Variants in SEZ6 observed in about 807,000 individuals in gnomAD.
SEZ6 encodes seizure related 6 homolog, also known as seizure protein 6 homolog.
In SEZ6, 53 loss-of-function variants were observed where a neutral mutation model predicts 101.0. That is an observed-to-expected ratio of 0.52 (90% CI 0.42 to 0.66). SEZ6 has a LOEUF of 0.66. Among genes scored for constraint, SEZ6 ranks in the 30% least tolerant of loss-of-function variants. The pLI is 0.00. For synonymous variants in SEZ6, 488 were observed against 512.2 expected (o/e 0.95, Z 0.64); for missense variants, 1,102 against 1,289.4 (o/e 0.85, Z 2.23).
intron 1 of SEZ6, among the ~76,000 whole-genome samples, chr17:28,998,618 G>A (rs1306956821): frequency 6.6e-6 from 1 of 152,142 alleles, no homozygotes; most frequent in Non-Finnish European, 1.5e-5. Flanking sequence ...TGGTGACTGG[G>A]AAGAAACCAG....
Position 29,005,917 on chromosome 17 carries a change from G to A in SEZ6, c.-48C>T. 7.2e-7 allele frequency: 1 copy of A among 1,391,734 alleles called. No individual in the cohort carries two copies. The highest frequency in any genetic ancestry group is 9.4e-7 in the Non-Finnish European group (1 of 1,065,684). 86.2% of individuals were successfully genotyped at this position (1,391,734 alleles called of 1,614,324 possible). A position where few individuals can be genotyped will look rare whatever the true frequency, so the allele number is the denominator to read the frequency against. On this transcript the variant is annotated 5_prime_UTR_variant, in exon 1 of 17. Coordinates refer to ENST00000317338, the MANE Select transcript of SEZ6 (RefSeq NM_178860.5). The surrounding 1 kb of genome is among the most constrained non-coding windows in gnomAD (Gnocchi z 4.8). ...TGGGCTGGGACCGCGGCGGGAGGGC[G>A]GGGGGCTTGGTGGGGCTTGGGCGCG...
rs1293563177 is a variant in SEZ6 at position 28,957,140 on chromosome 17, C to T, written c.2597G>A (p.Cys866Tyr). 2 of 1,613,980 alleles carry T rather than the reference C, an allele frequency of 1.2e-6. No homozygotes were observed. The highest frequency in any genetic ancestry group is 1.7e-6 in the Non-Finnish European group (2 of 1,179,878). ...GCCCTTCAGCACATAGCCAGGGGCA[C>T]ACGAGAAGTGGATGGTGGCCCCTGC... ...HPAGATIHFS[C>Y]APGYVLKGQA... Residue 866 changes from cysteine to tyrosine, a missense_variant, in exon 13 of 17, where the codon TGT (cysteine) becomes TAT (tyrosine). Physicochemically the swap from Cys to Tyr is radical, Grantham distance 194. Coordinates refer to ENST00000317338, the MANE Select transcript of SEZ6 (RefSeq NM_178860.5).
chr17:28,981,341 T>C, intron 2 of SEZ6, 30 bp downstream of exon 2: 1 of 1,522,436 alleles, frequency 6.6e-7, no homozygotes, highest in Non-Finnish European at 8.9e-7. Context: ...CATCCCCATT[T>C]CCACATCTGC....
chr17:28,997,256 C>T (rs1406609812), intron 1 of SEZ6, among the ~76,000 whole-genome samples: 2 of 152,100 alleles, frequency 1.3e-5, no homozygotes, highest in Non-Finnish European at 2.9e-5. Flanking sequence ...ACACCTTTGC[C>T]CGGAGATGCC....
chr17:28,972,202 GC>G (rs1161396301), intron 3 of SEZ6, among the ~76,000 whole-genome samples: 1 of 152,238 alleles, frequency 6.6e-6, no homozygotes, highest in Non-Finnish European at 1.5e-5. Flanking sequence ...CTCCCCACTG[GC>G]CCCTGCCCAT....
At chr17:28,986,219 C>G (rs1363184425) in intron 1 of SEZ6, among the ~76,000 whole-genome samples, 1 of 152,236 alleles carries the variant, frequency 6.6e-6, no homozygotes, top group African/African-American at 2.4e-5. Flanking sequence ...AGGATGCCTC[C>G]CCGGTGGATT....
intron 14 of SEZ6, 54 bp from the exon 15 acceptor site, chr17:28,956,521 T>C: frequency 6.6e-7 from 1 of 1,525,034 alleles, no homozygotes; most frequent in Non-Finnish European, 8.9e-7. Flanking sequence ...CTGGAGCCCA[T>C]ATTCTCTCAC....
Position 29,005,696 on chromosome 17 carries a change from CG to C in SEZ6, c.55+118del. On this transcript the variant is annotated intron_variant, in intron 1 of 16. Coordinates refer to ENST00000317338, the MANE Select transcript of SEZ6 (RefSeq NM_178860.5). This position sits in a 1 kb window ranked among gnomAD's most constrained non-coding sequence, Gnocchi z 4.8. Reference sequence around the variant, plus strand: ...CCGGCGCCGGGGGCAGCGCAGCCGGCGGGGCGCGGTGCTTGGACTGGGCAGC... The same window carrying C: ...CCGGCGCCGGGGGCAGCGCAGCCGGCGGGCGCGGTGCTTGGACTGGGCAGC... 1 of 1,009,882 alleles carries C rather than the reference CG, an allele frequency of 9.9e-7. No homozygotes were observed. Among genetic ancestry groups the C allele is most frequent in the South Asian group, 2.9e-5 (1 of 34,290 alleles). The allele number at this position is 1,009,882 out of a possible 1,614,324, so 62.6% of individuals were successfully genotyped here. A position where few individuals can be genotyped will look rare whatever the true frequency, so the allele number is the denominator to read the frequency against.
chr17:28,990,365 G>A (rs1295630740), intron 1 of SEZ6, among the ~76,000 whole-genome samples: 1 of 152,098 alleles, frequency 6.6e-6, no homozygotes, highest in East Asian at 1.9e-4. Context: ...CCAGGCTCAG[G>A]TGATTCTCCC....
Position 28,981,783 on chromosome 17 carries a change from T to G in SEZ6, c.312A>C (p.Pro104=), listed in dbSNP as rs2041310046. ...GGTTGGCCAGGCGGGGAAGGGGACT[T>G]GGGGTGAAGGGTGCAGGTGGGTCAG... ...FQPDPPAPFT[P]SPLPRLANQD... The change falls in exon 2 of 17, where the codon CCA becomes CCC. Residue 104 remains proline, a synonymous_variant. Coordinates refer to ENST00000317338, the MANE Select transcript of SEZ6 (RefSeq NM_178860.5). The G allele has an allele frequency of 1.9e-6, 3 of 1,612,960 alleles. No homozygotes were observed. Among genetic ancestry groups the G allele is most frequent in the Non-Finnish European group, 2.5e-6 (3 of 1,179,266 alleles).
At chr17:28,962,509 T>A (rs2040994196) in intron 5 of SEZ6, among the ~76,000 whole-genome samples, 1 of 152,218 alleles carries the variant, frequency 6.6e-6, no homozygotes, top group African/African-American at 2.4e-5. Context: ...CTGGGTATGG[T>A]GGCTCAAGTC....
upstream of SEZ6, chr17:29,006,064 G>T (rs2041687673): frequency 2.7e-6 from 1 of 373,956 alleles, no homozygotes; most frequent in Non-Finnish European, 4.5e-6. Flanking sequence ...GCCGGGGATC[G>T]CCGAGCGGGG....
intron 1 of SEZ6, among the ~76,000 whole-genome samples, chr17:28,986,852 C>T (rs946553715): frequency 2.0e-5 from 3 of 152,192 alleles, no homozygotes; most frequent in African/African-American, 7.2e-5. Flanking sequence ...TATGGACAGA[C>T]ATATACTGTC....
intron 4 of SEZ6, among the ~76,000 whole-genome samples, chr17:28,966,260 A>G (rs4794844): frequency 6.6e-6 from 1 of 150,646 alleles, no homozygotes; most frequent in Non-Finnish European, 1.5e-5. Flanking sequence ...GCAGGTGGAT[A>G]ACAAAATCAG....
rs2040942847 is a variant in SEZ6, at chr17:28,959,560, TG to T, written c.1772-89del. On this transcript the variant is annotated intron_variant, in intron 8 of 16. Transcript: ENST00000317338. This position sits in a 1 kb window ranked among gnomAD's most constrained non-coding sequence, Gnocchi z 4.4. The stretch of plus-strand genomic sequence containing the variant: ...GCCCGCAGGAGTGCCCACAAATTGC[TG>T]GGACCCCCCACCTCCTCCTTGGAGG... 2.6e-6 allele frequency: 4 copies of T among 1,562,256 alleles called. No individual in the cohort carries two copies. Among genetic ancestry groups the T allele is most frequent in the Non-Finnish European group, 3.5e-6 (4 of 1,155,774 alleles).
intron 3 of SEZ6, among the ~76,000 whole-genome samples, chr17:28,973,729 C>T (rs1189368215): frequency 1.3e-5 from 2 of 152,140 alleles, no homozygotes; most frequent in African/African-American, 2.4e-5. Context: ...GGCTGGGTGT[C>T]GGACAGGAGG....
intron 3 of SEZ6, among the ~76,000 whole-genome samples, chr17:28,978,543 C>T (rs954584612): frequency 6.6e-5 from 10 of 152,216 alleles, no homozygotes; most frequent in African/African-American, 2.4e-4. Context: ...TGGGATGACT[C>T]TTCCAGGCAG....
chr17:28,982,019 T>C lies in SEZ6; in HGVS notation c.76A>G (p.Thr26Ala), dbSNP rs748797206. 8.7e-6 allele frequency: 14 copies of C among 1,602,726 alleles called. No homozygotes were observed. The highest frequency in any genetic ancestry group is 1.3e-5 in the African/African-American group (1 of 74,662). ...LAHGLSLEAP[T>A]VGKGQAPGIE... ...CCTGGGGCTTGTCCTTTCCCCACGG[T>C]TGGGGCCTCTAAAGAGAGTCCTGAA... Residue 26 changes from threonine (T) to alanine (A), a missense_variant, in exon 2 of 17, where the codon ACC (threonine) becomes GCC (alanine). By Grantham distance (58) the Thr-to-Ala change is moderately conservative (BLOSUM62 0). This residue lies in a region of SEZ6 where 406 missense variants were observed against 418.6 expected (regional missense o/e 0.97). Coordinates refer to ENST00000317338, the MANE Select transcript of SEZ6 (RefSeq NM_178860.5).
intron 1 of SEZ6, among the ~76,000 whole-genome samples, chr17:28,996,463 AG>A (rs1376045787): frequency 1.3e-5 from 2 of 151,638 alleles, no homozygotes; most frequent in Non-Finnish European, 2.9e-5. Flanking sequence ...TGAGTGGGGG[AG>A]GGGAGGGGTG....
Sources: allele counts gnomAD v4.1 joint callset (sites outside exome capture counted in the v4.1 genomes callset), GRCh38; gene constraint gnomAD v4.1.1; regional missense constraint gnomAD v4.1.1; non-coding constraint Gnocchi (gnomAD v3.1); transcripts MANE v1.5; gene names NCBI Gene and HGNC (gene_info 2026-07-23, HGNC 2026-07-21).